Variants in GABRR2 observed in about 807,000 individuals in gnomAD.
GABRR2 encodes the protein gamma-aminobutyric acid type A receptor subunit rho2.
A neutral mutation model predicts 47.0 loss-of-function variants in GABRR2; 36 were observed. That is an observed-to-expected ratio of 0.77 (90% CI 0.59 to 1.01). The LOEUF (loss-of-function observed/expected upper bound fraction) is 1.01. GABRR2 is among the 50% of genes least tolerant of loss of function. The pLI, the probability that GABRR2 is intolerant of heterozygous loss-of-function variation, is 0.00. For missense variants in GABRR2, 587 were observed against 594.6 expected (o/e 0.99, Z 0.13); for synonymous variants, 204 against 227.5 (o/e 0.90, Z 0.93).
intron 8 of GABRR2, among the ~76,000 whole-genome samples, chr6:89,260,066 C>T (rs1043115052): frequency 2.6e-5 from 4 of 151,868 alleles, no homozygotes; most frequent in Non-Finnish European, 5.9e-5. Context: ...CACCACCACA[C>T]CCAGCTCATT....
chr6:89,269,377 A>G (rs953979624), intron 3 of GABRR2, 143 bp from the exon 4 acceptor site: 4 of 675,286 alleles, frequency 5.9e-6, no homozygotes, highest in Non-Finnish European at 1.0e-5. Flanking sequence ...CTGTGGCAGG[A>G]TGGCACTGTG....
At chr6:89,300,008 G>T in intron 1 of GABRR2, 143 bp from the exon 2 acceptor site, 1 of 616,512 alleles carries the variant, frequency 1.6e-6, no homozygotes, top group Non-Finnish European at 3.0e-6. Flanking sequence ...AAGGAGGGCT[G>T]AAGGACCCTC....
rs1412187156 is a variant in GABRR2, at chr6:89,257,722, A to G, written c.1346T>C (p.Phe449Ser). Residue 449 changes from phenylalanine (F) to serine (S), a missense_variant, in exon 9 of 9, where the codon TTC (phenylalanine) becomes TCC (serine). Physicochemically the swap from Phe to Ser is radical, Grantham distance 155 (BLOSUM62 -2). Coordinates refer to ENST00000402938, the MANE Select transcript of GABRR2 (RefSeq NM_002043.5). The stretch of plus-strand genomic sequence containing the variant: ...GTTGAAAAATATGTAGGAGGCAGGG[A>G]ATATCAACCTAGAGTATTTGTCAAT... ...HAIDKYSRLI[F>S]PASYIFFNLI... The G allele has an allele frequency of 3.2e-5, 51 of 1,613,876 alleles. No homozygotes were observed. The highest frequency in any genetic ancestry group is 4.3e-5 in the Non-Finnish European group (51 of 1,179,878).
chr6:89,300,442 G>A lies in GABRR2; in HGVS notation c.114-577C>T, dbSNP rs571867925. Among the ~76,000 whole-genome samples the A allele has an allele frequency of 2.8e-4, 42 of 152,120 alleles. 1 individual carries two copies. In the South Asian group the frequency reaches 6.0e-3, roughly 22 times the overall value. On this transcript the variant is annotated intron_variant, in intron 1 of 8. Coordinates refer to ENST00000402938, the MANE Select transcript of GABRR2 (RefSeq NM_002043.5). ...CAAGAATCACTTGAACCAAGGAGAC[G>A]CAGGTTGCAGTGAGTGGAGATTGCG...
chr6:89,296,981 G>T (rs1002424562), intron 2 of GABRR2, among the ~76,000 whole-genome samples: 1 of 152,214 alleles, frequency 6.6e-6, no homozygotes, highest in Non-Finnish European at 1.5e-5. Context: ...GTACTGACCA[G>T]GTGATGGCCC....
chr6:89,287,099 C>T (rs1298905928), intron 2 of GABRR2, among the ~76,000 whole-genome samples: 1 of 152,194 alleles, frequency 6.6e-6, no homozygotes, highest in East Asian at 1.9e-4. Flanking sequence ...TGAGTCGGCT[C>T]CGTGAGCCTT....
At position 89,269,115 on chromosome 6, in the gene GABRR2, A is replaced by C. The variant is rs1468102664; in HGVS notation, c.408T>G (p.Pro136=). ...DGRLVKKIWV[P]DVFFVHSKRS... ...TTTTGGAGTGAACAAAGAAGACATC[A>C]GGGACCCAGATCTTCTTCACCAGCC... Residue 136 remains proline (P), a synonymous_variant, in exon 4 of 9, where the codon CCT becomes CCG. Coordinates refer to ENST00000402938, the MANE Select transcript of GABRR2 (RefSeq NM_002043.5). 3.7e-6 allele frequency: 6 copies of C among 1,614,044 alleles called. No individual in the cohort carries two copies. The East Asian group carries it at 1.3e-4, about 36-fold the overall frequency.
At chr6:89,307,234 C>G (rs774760452) in intron 1 of GABRR2, among the ~76,000 whole-genome samples, 2 of 152,136 alleles carry the variant, frequency 1.3e-5, no homozygotes, top group Non-Finnish European at 2.9e-5. Flanking sequence ...CCAGAACAAC[C>G]AAATTCACCT....
At chr6:89,310,878 G>A (rs1767669548) in intron 1 of GABRR2, among the ~76,000 whole-genome samples, 1 of 152,186 alleles carries the variant, frequency 6.6e-6, no homozygotes, top group African/African-American at 2.4e-5. Context: ...AACGAAGAGT[G>A]TTAGGCAGAT....
At chr6:89,265,790 T>A (rs762248244) in intron 6 of GABRR2, 25 bp from the exon 7 acceptor site, 5 of 1,611,786 alleles carry the variant, frequency 3.1e-6, no homozygotes, top group Non-Finnish European at 4.2e-6. Flanking sequence ...AAGAAGCCAA[T>A]GAGGTTCCAT....
At chr6:89,264,029 T>C (rs993569876) in intron 8 of GABRR2, among the ~76,000 whole-genome samples, 3 of 152,196 alleles carry the variant, frequency 2.0e-5, no homozygotes, top group African/African-American at 4.8e-5. Context: ...TCAGTAATGA[T>C]AGTGAGAGTT....
At chr6:89,289,693 G>A (rs1774402284) in intron 2 of GABRR2, among the ~76,000 whole-genome samples, 2 of 152,090 alleles carry the variant, frequency 1.3e-5, no homozygotes, top group African/African-American at 2.4e-5. Context: ...AAGGGGAAGG[G>A]GAAGGGTGAG....
At chr6:89,299,618 C>G in intron 2 of GABRR2, 141 bp downstream of exon 2, 1 of 615,626 alleles carries the variant, frequency 1.6e-6, no homozygotes, top group East Asian at 2.9e-5. Flanking sequence ...AAATTAGGGA[C>G]TCAGGAAATG....
chr6:89,291,002 A>G lies in GABRR2; in HGVS notation c.220+8757T>C, dbSNP rs7775655. 8.0e-3 allele frequency among the ~76,000 whole-genome samples: 1,212 copies of G among 152,184 alleles called. 20 individuals carry two copies. The highest frequency in any genetic ancestry group is 0.028 in the African/African-American group (1,168 of 41,518). ...CCCATGCCTCCGTAAACGCACTTTC[A>G]CTAGGCTCTCTTCAATGACCCCTTG... On this transcript the variant is annotated intron_variant, in intron 2 of 8. Transcript: ENST00000402938.
At chr6:89,291,903 A>G (rs1461910065) in intron 2 of GABRR2, among the ~76,000 whole-genome samples, 6 of 152,156 alleles carry the variant, frequency 3.9e-5, no homozygotes, top group Non-Finnish European at 2.9e-5. Flanking sequence ...TGTGCCCCTG[A>G]TCAGACCCAG....
chr6:89,302,997 G>T, intron 1 of GABRR2: 1 of 1,290,614 alleles, frequency 7.7e-7, no homozygotes. Flanking sequence ...CCGAGGCCAA[G>T]AGCAACATGA....
In GABRR2 at chr6:89,257,984, A is replaced by ATGGGCAGCAAGCACAAAGAACATCAT; in HGVS notation, c.1087-29_1087-4dup. Reference sequence around the variant, plus strand: ...AGCATTCCACACATGCACGGGAACTATGGGCAGCAAGCACAAAGAACATCA... The same window carrying ATGGGCAGCAAGCACAAAGAACATCAT: ...AGCATTCCACACATGCACGGGAACTATGGGCAGCAAGCACAAAGAACATCATTGGGCAGCAAGCACAAAGAACATCA... On this transcript the variant is annotated splice_region_variant and splice_polypyrimidine_tract_variant and intron_variant, in intron 8 of 8. Coordinates refer to ENST00000402938, the MANE Select transcript of GABRR2 (RefSeq NM_002043.5). 6.2e-7 allele frequency: 1 copy of ATGGGCAGCAAGCACAAAGAACATCAT among 1,611,158 alleles called. No individual in the cohort carries two copies. The highest frequency in any genetic ancestry group is 1.1e-5 in the South Asian group (1 of 90,584).
intron 8 of GABRR2, among the ~76,000 whole-genome samples, chr6:89,261,279 C>A (rs913195849): frequency 2.0e-5 from 3 of 152,186 alleles, no homozygotes; most frequent in African/African-American, 7.2e-5. Flanking sequence ...GTACAAATTA[C>A]TGAAGTTTAA....
At chr6:89,295,842 A>T (rs4707536) in intron 2 of GABRR2, among the ~76,000 whole-genome samples, 1 of 150,882 alleles carries the variant, frequency 6.6e-6, no homozygotes, top group Non-Finnish European at 1.5e-5. Context: ...AGCTTTCTAC[A>T]TATGGCTAGC....
Sources: allele counts gnomAD v4.1 joint callset (sites outside exome capture counted in the v4.1 genomes callset), GRCh38; gene constraint gnomAD v4.1.1; transcripts MANE v1.5; gene names NCBI Gene and HGNC (gene_info 2026-07-23, HGNC 2026-07-21).